Variants in TOX observed in about 807,000 individuals in gnomAD.
TOX encodes thymocyte selection-associated high mobility group box protein TOX.
TOX carries 11 observed loss-of-function variants against 53.7 expected under a neutral mutation model. The ratio of observed to expected loss-of-function variants is 0.20; its 90% CI spans 0.13 to 0.34. TOX has a LOEUF of 0.34. TOX is among the 10% of genes least tolerant of loss of function. TOX has a pLI of 1.00. For missense variants in TOX, 570 were observed against 664.6 expected (o/e 0.86, Z 1.56); for synonymous variants, 225 against 245.3 (o/e 0.92, Z 0.77).
At chr8:59,035,825 A>G (rs1228388815) in intron 1 of TOX, among the ~76,000 whole-genome samples, 1 of 152,386 alleles carries the variant, frequency 6.6e-6, no homozygotes, top group Non-Finnish European at 1.5e-5. Context: ...GGACAATGAC[A>G]GCTCACACTT....
intron 1 of TOX, among the ~76,000 whole-genome samples, chr8:59,080,635 T>C (rs1409406645): frequency 6.6e-6 from 1 of 152,114 alleles, no homozygotes; most frequent in Admixed American, 6.5e-5. Flanking sequence ...GCGGGAGGTG[T>C]TTGGATCATG....
At position 58,911,748 on chromosome 8, in the gene TOX, G is replaced by A. The variant is rs111739782; in HGVS notation, c.411+27554C>T. The stretch of plus-strand genomic sequence containing the variant: ...AACGGAGTTTCACTTTTGTTGCCCA[G>A]GCTGGAGTGCAATGGTGCAATCTTG... On this transcript the variant is annotated intron_variant, in intron 3 of 8. Transcript: ENST00000361421. Among the ~76,000 whole-genome samples, 963 of 152,036 alleles carry A rather than the reference G, an allele frequency of 6.3e-3. 13 individuals carry two copies. Among genetic ancestry groups the A allele is most frequent in the African/African-American group, 0.022 (923 of 41,478 alleles).
At chr8:59,099,576 TAGGAGTAC>T (rs1804769919) in intron 1 of TOX, among the ~76,000 whole-genome samples, 1 of 152,198 alleles carries the variant, frequency 6.6e-6, no homozygotes, top group Non-Finnish European at 1.5e-5. Flanking sequence ...TATAGACTTG[TAGGAGTAC>T]AGTACCCATT....
chr8:58,985,447 A>G (rs1213813721), intron 1 of TOX, among the ~76,000 whole-genome samples: 3 of 152,202 alleles, frequency 2.0e-5, no homozygotes, highest in Admixed American at 6.5e-5. Context: ...CACCTAGAGT[A>G]GTCAATATTT....
intron 3 of TOX, among the ~76,000 whole-genome samples, chr8:58,897,322 T>C (rs1563382643): frequency 6.6e-6 from 1 of 152,192 alleles, no homozygotes; most frequent in Non-Finnish European, 1.5e-5. Flanking sequence ...GATGGCAGAA[T>C]TTAATAATTT....
At chr8:59,086,158 T>C (rs1804505967) in intron 1 of TOX, among the ~76,000 whole-genome samples, 1 of 151,902 alleles carries the variant, frequency 6.6e-6, no homozygotes, top group Non-Finnish European at 1.5e-5. Context: ...GCTAATTTTG[T>C]GTTTTTAGTA....
At chr8:58,882,942 A>C (rs768390948) in intron 3 of TOX, among the ~76,000 whole-genome samples, 1 of 152,258 alleles carries the variant, frequency 6.6e-6, no homozygotes, top group South Asian at 2.1e-4. Context: ...CCACTCTTTA[A>C]GGTACAGAAG....
chr8:58,864,848 G>A (rs778714407), intron 3 of TOX, among the ~76,000 whole-genome samples: 1 of 152,138 alleles, frequency 6.6e-6, no homozygotes, highest in Non-Finnish European at 1.5e-5. Flanking sequence ...AATTGAAAGG[G>A]AAAAGGAACT....
chr8:59,104,714 AT>A (rs1313307489), intron 1 of TOX, among the ~76,000 whole-genome samples: 2 of 152,234 alleles, frequency 1.3e-5, no homozygotes, highest in African/African-American at 2.4e-5. Flanking sequence ...ATCATAGATC[AT>A]TTTATAAAAG....
intron 6 of TOX, among the ~76,000 whole-genome samples, chr8:58,819,806 C>A (rs560340800): frequency 2.5e-4 from 38 of 152,214 alleles, no homozygotes; most frequent in African/African-American, 8.4e-4. Flanking sequence ...GTGGAAGGAA[C>A]AATATAAGAG....
rs142767155 is a variant in TOX, at chr8:58,846,224, C to CT, written c.693+5299dup. On this transcript the variant is annotated intron_variant, in intron 4 of 8. Coordinates refer to ENST00000361421, the MANE Select transcript of TOX (RefSeq NM_014729.3). ...AGGCTCAGCCTTAACGAATAGAATA[C>CT]TTTTTTTTTAAAATAAATAAGGGTC... Among the ~76,000 whole-genome samples the CT allele has an allele frequency of 4.0e-3, 606 of 151,450 alleles. 4 individuals carry two copies. The highest frequency in any genetic ancestry group is 0.011 in the African/African-American group (459 of 41,322).
At chr8:58,982,825 G>C (rs1379899608) in intron 1 of TOX, among the ~76,000 whole-genome samples, 6 of 152,042 alleles carry the variant, frequency 3.9e-5, no homozygotes, top group Admixed American at 6.6e-5. Flanking sequence ...GCTTCTCATT[G>C]ACAATTGAAC....
intron 1 of TOX, among the ~76,000 whole-genome samples, chr8:58,963,568 C>T (rs1323324464): frequency 6.6e-6 from 1 of 152,184 alleles, no homozygotes; most frequent in Non-Finnish European, 1.5e-5. Context: ...CTATGAGACT[C>T]TCTGCTCACA....
intron 1 of TOX, among the ~76,000 whole-genome samples, chr8:58,975,264 C>CACACA (rs764331571): frequency 0.029 from 4,333 of 147,906 alleles, 187 homozygotes; most frequent in African/African-American, 0.098. Context: ...ACACACACAC[C>CACACA]CCCACACAGA....
At chr8:58,922,078 G>C (rs530756667) in intron 3 of TOX, among the ~76,000 whole-genome samples, 29 of 152,322 alleles carry the variant, frequency 1.9e-4, no homozygotes, top group African/African-American at 6.5e-4. Context: ...CATTTGAGCT[G>C]AGAACAATAG....
At position 59,052,686 on chromosome 8, in the gene TOX, A is replaced by G. The variant is rs138171649; in HGVS notation, c.102+66200T>C. Among the ~76,000 whole-genome samples the G allele has an allele frequency of 1.6e-4, 24 of 152,232 alleles. No homozygotes were observed. The East Asian group carries it at 4.4e-3, about 28-fold the overall frequency. On this transcript the variant is annotated intron_variant, in intron 1 of 8. Coordinates refer to ENST00000361421, the MANE Select transcript of TOX (RefSeq NM_014729.3). ...GGACCGAACTCCATTTCTGCCATTC[A>G]CCAGCTGGGTGACACTGGGCAAATT...
chr8:59,044,026 T>C (rs1357802701), intron 1 of TOX, among the ~76,000 whole-genome samples: 2 of 152,206 alleles, frequency 1.3e-5, no homozygotes, highest in Non-Finnish European at 2.9e-5. Flanking sequence ...TTTTCTCTTT[T>C]GGAACCCACC....
chr8:59,049,441 A>G (rs1803750400), intron 1 of TOX, among the ~76,000 whole-genome samples: 2 of 152,204 alleles, frequency 1.3e-5, no homozygotes, highest in Non-Finnish European at 2.9e-5. Flanking sequence ...TAGAACTTCA[A>G]TATCTTGTTG....
chr8:59,034,995 G>A (rs1814430509), intron 1 of TOX, among the ~76,000 whole-genome samples: 1 of 152,134 alleles, frequency 6.6e-6, no homozygotes, highest in Admixed American at 6.5e-5. Flanking sequence ...GCAGGGCCCT[G>A]GGAGGAGACG....
Sources: gnomAD v4.1 joint callset for allele counts (sites outside exome capture counted in the v4.1 genomes callset) on GRCh38, gnomAD v4.1.1 for gene constraint, MANE v1.5 for transcripts, NCBI Gene and HGNC (gene_info 2026-07-23, HGNC 2026-07-21) for gene names.